The following LCT variants were observed in gnomAD, a reference collection of about 807,000 sequenced individuals.
LCT encodes the protein lactase.
A neutral mutation model predicts 173.0 loss-of-function variants in LCT; 90 were observed. That is an observed-to-expected ratio of 0.52 (90% CI 0.44 to 0.62). The LOEUF (loss-of-function observed/expected upper bound fraction) is 0.62, where lower values mean the gene tolerates loss of function less well. Ranked by LOEUF, LCT falls within the 20% of genes least tolerant of loss-of-function variation. The probability of loss-of-function intolerance (pLI) is 0.00; values close to 1 mark genes in which losing one functional copy is unlikely to be tolerated. For synonymous variants in LCT, 853 were observed against 957.6 expected (o/e 0.89, Z 2.02); for missense variants, 1,864 against 2,431.4 (o/e 0.77, Z 4.91).
intron 12 of LCT, 81 bp downstream of exon 12, chr2:135,800,526 C>T: frequency 8.1e-7 from 1 of 1,228,326 alleles, no homozygotes; most frequent in Admixed American, 1.7e-5. Context: ...CACCCTAAAT[C>T]TTTGATTCAC....
intron 9 of LCT, among the ~76,000 whole-genome samples, chr2:135,806,887 C>T (rs1008298509): frequency 2.6e-5 from 4 of 152,232 alleles, no homozygotes; most frequent in African/African-American, 9.6e-5. Flanking sequence ...GCTCCCCCTG[C>T]TCCATCTGGC....
At chr2:135,805,415 A>C (rs1575336772) in intron 9 of LCT, among the ~76,000 whole-genome samples, 1 of 152,218 alleles carries the variant, frequency 6.6e-6, no homozygotes, top group South Asian at 2.1e-4. Flanking sequence ...CCACTCTTGC[A>C]CAGAGACAGA....
chr2:135,819,821 C>T (rs1251672971), intron 5 of LCT, among the ~76,000 whole-genome samples: 3 of 152,182 alleles, frequency 2.0e-5, no homozygotes, highest in African/African-American at 4.8e-5. Flanking sequence ...CTCCGAACCT[C>T]GCTCTTACCC....
Position 135,809,230 on chromosome 2 carries a change from A to T in LCT, c.3117T>A (p.Ile1039=). The stretch of plus-strand genomic sequence containing the variant: ...AGTCTGCGTAGCTGTCAAACAAGTC[A>T]ATCAAGGCAGGATTCTCCCAGCCTC... ...DIGGWENPAL[I]DLFDSYADFC... Residue 1039 remains isoleucine, a synonymous_variant, in exon 8 of 17, where the codon ATT becomes ATA. Transcript: ENST00000264162. This position sits in a 1 kb window ranked among gnomAD's most constrained non-coding sequence, Gnocchi z 5.5. 1 of 1,614,224 alleles carries T rather than the reference A, an allele frequency of 6.2e-7. No individual in the cohort carries two copies. The highest frequency in any genetic ancestry group is 8.5e-7 in the Non-Finnish European group (1 of 1,180,054).
In LCT at chr2:135,829,746, C is replaced by T. The variant is rs569505168; in HGVS notation, c.721-70G>A. The T allele has an allele frequency of 3.9e-5, 42 of 1,072,534 alleles. No individual in the cohort carries two copies. In the African/African-American group the frequency reaches 4.5e-4, roughly 12 times the overall value. 66.4% of individuals were successfully genotyped at this position (1,072,534 alleles called of 1,614,324 possible). On this transcript the variant is annotated intron_variant, in intron 2 of 16. Coordinates refer to ENST00000264162, the MANE Select transcript of LCT (RefSeq NM_002299.4). ...CAAGACTAACAGCCTCTCAGAAGTA[C>T]GCTTTTTTGTTTCTCCCCTTATCAC...
At position 135,809,332 on chromosome 2, in the gene LCT, A is replaced by T; in HGVS notation, c.3015T>A (p.Asn1005Lys). 1 of 1,614,256 alleles carries T rather than the reference A, an allele frequency of 6.2e-7. No individual in the cohort carries two copies. The highest frequency in any genetic ancestry group is 8.5e-7 in the Non-Finnish European group (1 of 1,180,048). Residue 1005 changes from asparagine (N) to lysine (K), a missense_variant, in exon 8 of 17, where the codon AAT becomes AAA. Around this residue, in one of 4 missense-constraint regions of LCT, gnomAD observed 755 missense variants for 926.3 expected, o/e 0.82. Transcript: ENST00000264162. This position sits in a 1 kb window ranked among gnomAD's most constrained non-coding sequence, Gnocchi z 5.5. ...GAAAGATGTTGCTTGCCACCAAGCCATTGATCAGCCTGTTGTAATAATCAA... is the reference window on the plus strand; with the variant it reads ...GAAAGATGTTGCTTGCCACCAAGCCTTTGATCAGCCTGTTGTAATAATCAA... The part of the protein sequence containing the change: ...HGVDYYNRLI[N>K]GLVASNIFPM...
chr2:135,804,335 A>T lies in LCT; in HGVS notation c.4465-207T>A, dbSNP rs530126159. On this transcript the variant is annotated intron_variant, in intron 10 of 16. Transcript: ENST00000264162. ...GGCTGAGGTCAAGGTTGGGAAGGAA[A>T]CTCTTTTATGCTTTTCAAATTCTGC... 1.7e-4 allele frequency among the ~76,000 whole-genome samples: 26 copies of T among 152,214 alleles called. 1 individual carries two copies. In the South Asian group the frequency reaches 5.4e-3, roughly 32 times the overall value.
Position 135,812,405 on chromosome 2 carries a change from G to T in LCT, c.2259C>A (p.Ala753=), listed in dbSNP as rs773251848. The change falls in exon 7 of 17, where the codon GCC becomes GCA. Residue 753 remains alanine, a synonymous_variant. Transcript: ENST00000264162. The part of the protein sequence containing the change: ...YTRGKVPIYL[A]GNGMPIGESE... Reference sequence around the variant, plus strand: ...TTTCCCCTATGGGCATGCCATTCCCGGCAAGGTATATTGGAACTTTTCCTC... The same window carrying T: ...TTTCCCCTATGGGCATGCCATTCCCTGCAAGGTATATTGGAACTTTTCCTC... 2 of 1,613,940 alleles carry T rather than the reference G, an allele frequency of 1.2e-6. No homozygotes were observed. Among genetic ancestry groups the T allele is most frequent in the Non-Finnish European group, 1.7e-6 (2 of 1,179,964 alleles).
chr2:135,811,228 A>G (rs960524870), intron 7 of LCT, among the ~76,000 whole-genome samples: 1 of 151,946 alleles, frequency 6.6e-6, no homozygotes, highest in African/African-American at 2.4e-5. Context: ...TAAATAAATA[A>G]AGCCTAAAAC....
intron 5 of LCT, among the ~76,000 whole-genome samples, chr2:135,819,718 T>C (rs2077811899): frequency 6.6e-6 from 1 of 152,162 alleles, no homozygotes; most frequent in Admixed American, 6.5e-5. Context: ...TCCCAAAACA[T>C]ATGCGACTGT....
Position 135,794,794 on chromosome 2 carries a change from T to C in LCT, c.4977-19A>G, listed in dbSNP as rs201294993. Reference sequence around the variant, plus strand: ...TGGCAGCCTGGGTGGAAGAAGCCATTGAGGGCAGGGCTTCAGGGAGAGCCA... The same window carrying C: ...TGGCAGCCTGGGTGGAAGAAGCCATCGAGGGCAGGGCTTCAGGGAGAGCCA... On this transcript the variant is annotated intron_variant, in intron 13 of 16. Coordinates refer to ENST00000264162, the MANE Select transcript of LCT (RefSeq NM_002299.4). The C allele has an allele frequency of 5.0e-6, 8 of 1,613,844 alleles. 1 individual carries two copies. The Middle Eastern group carries it at 8.3e-4, about 167-fold the overall frequency.
chr2:135,829,867 G>T (rs1296057540), intron 2 of LCT, among the ~76,000 whole-genome samples, 191 bp from the exon 3 acceptor site: 2 of 141,204 alleles, frequency 1.4e-5, no homozygotes, highest in African/African-American at 5.3e-5. Flanking sequence ...AGGGGGCGGG[G>T]GGTGCCTGTG....
chr2:135,804,378 A>C (rs917506795), intron 10 of LCT, among the ~76,000 whole-genome samples: 3 of 152,202 alleles, frequency 2.0e-5, no homozygotes, highest in Non-Finnish European at 4.4e-5. Flanking sequence ...GAATTCACTG[A>C]CAATTAAAAA....
At chr2:135,831,619 G>A (rs528042077) in intron 2 of LCT, among the ~76,000 whole-genome samples, 19 of 152,256 alleles carry the variant, frequency 1.2e-4, no homozygotes, top group Non-Finnish European at 1.8e-4. Context: ...AGCAGTTATC[G>A]CCCTCTGTAA....
intron 11 of LCT, 67 bp downstream of exon 11, chr2:135,803,863 A>C (rs1343361848): frequency 6.9e-7 from 1 of 1,457,640 alleles, no homozygotes; most frequent in Non-Finnish European, 9.5e-7. Flanking sequence ...TGCCATCTGG[A>C]TTTCAACTCT....
chr2:135,807,733 C>T (rs558366122), intron 8 of LCT, among the ~76,000 whole-genome samples: 11 of 151,440 alleles, frequency 7.3e-5, no homozygotes, highest in African/African-American at 2.2e-4. Flanking sequence ...TGCTTGAACT[C>T]GGGAGATGGA....
At chr2:135,808,326 T>C in intron 8 of LCT, 117 bp downstream of exon 8, 5 of 873,986 alleles carry the variant, frequency 5.7e-6, no homozygotes, top group Non-Finnish European at 9.9e-6. Flanking sequence ...ATTATGGAGT[T>C]GGGACCTAAG....
At position 135,829,797 on chromosome 2, in the gene LCT, T is replaced by C. The variant is rs2077919282; in HGVS notation, c.721-121A>G. On this transcript the variant is annotated intron_variant, in intron 2 of 16. Transcript: ENST00000264162. Reference sequence around the variant, plus strand: ...TAAACCAAATATTCCAAAGCAGGATTTTCCAAAGGAAAAGATGGAGATGGA... The same window carrying C: ...TAAACCAAATATTCCAAAGCAGGATCTTCCAAAGGAAAAGATGGAGATGGA... 3 of 723,458 alleles carry C rather than the reference T, an allele frequency of 4.1e-6. No homozygotes were observed. In the East Asian group the frequency reaches 8.1e-5, roughly 19 times the overall value. The allele number at this position is 723,458 out of a possible 1,614,324, so 44.8% of individuals were successfully genotyped here. A position where few individuals can be genotyped will look rare whatever the true frequency, so the allele number is the denominator to read the frequency against.
intron 9 of LCT, among the ~76,000 whole-genome samples, chr2:135,806,593 T>G (rs2077677138): frequency 6.6e-6 from 1 of 152,176 alleles, no homozygotes; most frequent in Admixed American, 6.5e-5. Flanking sequence ...CACTGTGCCT[T>G]TCTACATTTA....
Sources: gnomAD v4.1 joint callset for allele counts (sites outside exome capture counted in the v4.1 genomes callset) on GRCh38, gnomAD v4.1.1 for gene constraint, gnomAD v4.1.1 regional missense constraint, Gnocchi (gnomAD v3.1) non-coding constraint, MANE v1.5 for transcripts, NCBI Gene and HGNC (gene_info 2026-07-23, HGNC 2026-07-21) for gene names.